The following CCDC7 variants were observed in gnomAD, a reference collection of about 807,000 sequenced individuals.
CCDC7 encodes the protein coiled-coil domain containing 7, also known as coiled-coil domain-containing protein 7.
CCDC7 carries 183 observed loss-of-function variants against 196.9 expected under a neutral mutation model. The ratio of observed to expected loss-of-function variants is 0.93; its 90% CI spans 0.82 to 1.05. The LOEUF is 1.05. CCDC7 is among the 50% of genes least tolerant of loss of function. The probability of loss-of-function intolerance (pLI) is 0.00; values close to 1 mark genes in which losing one functional copy is unlikely to be tolerated. For missense variants in CCDC7, 1,540 were observed against 1,482.2 expected, an observed-to-expected ratio of 1.04 and a Z score of -0.64; for synonymous variants, 525 against 484.6, an observed-to-expected ratio of 1.08 and a Z score of -1.10.
intron 21 of CCDC7, among the ~76,000 whole-genome samples, chr10:32,671,103 G>T (rs931626571): frequency 6.6e-6 from 1 of 152,126 alleles, no homozygotes; most frequent in Non-Finnish European, 1.5e-5. Context: ...AAAATTTAGT[G>T]TAACCCAAGT....
chr10:32,744,500 G>A (rs2074383114), intron 28 of CCDC7, among the ~76,000 whole-genome samples: 1 of 152,038 alleles, frequency 6.6e-6, no homozygotes, highest in Admixed American at 6.6e-5. Context: ...CAGTTTTTTG[G>A]AGTTAGGCCA....
chr10:32,641,902 T>C (rs560140343), intron 20 of CCDC7, among the ~76,000 whole-genome samples: 2 of 152,202 alleles, frequency 1.3e-5, no homozygotes, highest in African/African-American at 2.4e-5. Context: ...TCTGTTGGAG[T>C]TTGCTGGAGG....
intron 16 of CCDC7, among the ~76,000 whole-genome samples, chr10:32,578,414 T>C (rs1456311934): frequency 6.6e-6 from 1 of 151,640 alleles, no homozygotes; most frequent in African/African-American, 2.4e-5. Context: ...TTATAATATA[T>C]AATGAAATAA....
chr10:32,460,134 A>C (rs1416222258), intron 3 of CCDC7, among the ~76,000 whole-genome samples: 1 of 152,216 alleles, frequency 6.6e-6, no homozygotes, highest in East Asian at 1.9e-4. Flanking sequence ...ACCTATATTA[A>C]ATTTATAAGC....
At chr10:32,694,886 TGAA>T in exon 24 of CCDC7, 1 of 1,592,538 alleles carries the variant, frequency 6.3e-7, no homozygotes, top group Non-Finnish European at 8.6e-7. Context: ...TAGCTCATGA[TGAA>T]GAACCAGGCA....
intron 41 of CCDC7, among the ~76,000 whole-genome samples, chr10:32,855,107 A>G (rs1452119722): frequency 6.6e-6 from 1 of 152,214 alleles, no homozygotes; most frequent in Non-Finnish European, 1.5e-5. Context: ...AGAATATTAA[A>G]TAATATTGTT....
In CCDC7 at chr10:32,452,225, A is replaced by C. The variant is rs114395165; in HGVS notation, c.279+304A>C. On this transcript the variant is annotated intron_variant, in intron 1 of 41. Transcript: ENST00000639629. Reference sequence around the variant, plus strand: ...TGGGATTTATTGGGGGTTGTTTACTATTCACTCTGTGCTTAGCATGTACGA... The same window carrying C: ...TGGGATTTATTGGGGGTTGTTTACTCTTCACTCTGTGCTTAGCATGTACGA... Among the ~76,000 whole-genome samples the C allele has an allele frequency of 8.6e-3, 1,304 of 152,282 alleles. 28 individuals carry two copies. Among genetic ancestry groups the C allele is most frequent in the African/African-American group, 0.029 (1,203 of 41,554 alleles).
chr10:32,586,521 G>T (rs2059296044), intron 18 of CCDC7, among the ~76,000 whole-genome samples: 1 of 152,166 alleles, frequency 6.6e-6, no homozygotes. Context: ...CTATGTTTAA[G>T]TCTTTAATCC....
chr10:32,632,429 A>AT (rs1291654735), intron 18 of CCDC7, among the ~76,000 whole-genome samples: 2 of 151,420 alleles, frequency 1.3e-5, no homozygotes, highest in Admixed American at 1.3e-4. Context: ...GGGATTGTTG[A>AT]TTTTTGCTCT....
At chr10:32,463,423 A>G (rs1190301992) in intron 5 of CCDC7, among the ~76,000 whole-genome samples, 1 of 152,232 alleles carries the variant, frequency 6.6e-6, no homozygotes, top group Non-Finnish European at 1.5e-5. Flanking sequence ...ATGTGTAGAC[A>G]TAAAATTATG....
chr10:32,824,417 C>A, intron 31 of CCDC7, 101 bp from the exon 33 acceptor site: 1 of 649,338 alleles, frequency 1.5e-6, no homozygotes, highest in Non-Finnish European at 2.6e-6. Context: ...TAATTCTACT[C>A]CAATGAAGAA....
At chr10:32,507,545 G>A (rs1426060059) in intron 9 of CCDC7, among the ~76,000 whole-genome samples, 1 of 152,026 alleles carries the variant, frequency 6.6e-6, no homozygotes, top group African/African-American at 2.4e-5. Flanking sequence ...CTGCCTCCTG[G>A]GTTCAAGCAA....
At chr10:32,719,153 C>T (rs956162004) in intron 25 of CCDC7, among the ~76,000 whole-genome samples, 1 of 152,206 alleles carries the variant, frequency 6.6e-6, no homozygotes, top group Non-Finnish European at 1.5e-5. Context: ...ACCAAAACAG[C>T]ATGGTACTGG....
intron 20 of CCDC7, among the ~76,000 whole-genome samples, chr10:32,649,234 C>G (rs759566002): frequency 6.6e-6 from 1 of 152,104 alleles, no homozygotes; most frequent in African/African-American, 2.4e-5. Context: ...ATGGGATGAT[C>G]TGTGCAGTAA....
At chr10:32,443,560 G>A (rs1353135370), upstream of CCDC7, among the ~76,000 whole-genome samples, 2 of 152,064 alleles carry the variant, frequency 1.3e-5, no homozygotes, top group African/African-American at 4.8e-5. Flanking sequence ...CATTTTCATT[G>A]TTGGAAAGAT....
upstream of CCDC7, among the ~76,000 whole-genome samples, chr10:32,445,981 G>C (rs143947616): frequency 6.6e-6 from 1 of 152,212 alleles, no homozygotes; most frequent in Non-Finnish European, 1.5e-5. Context: ...GAAAGGAGGA[G>C]GCCGATGTGC....
chr10:32,757,643 G>C (rs1348033646), intron 28 of CCDC7, among the ~76,000 whole-genome samples: 1 of 152,206 alleles, frequency 6.6e-6, no homozygotes, highest in African/African-American at 2.4e-5. Flanking sequence ...GCCCACAAGA[G>C]AAAGGAGGAA....
intron 32 of CCDC7, among the ~76,000 whole-genome samples, chr10:32,829,942 T>G (rs2091919652): frequency 6.6e-6 from 1 of 151,024 alleles, no homozygotes; most frequent in Non-Finnish European, 1.5e-5. Context: ...GCCTACATCT[T>G]TATCCTGTGC....
At chr10:32,605,923 AG>A (rs1416314124) in intron 18 of CCDC7, among the ~76,000 whole-genome samples, 1 of 152,256 alleles carries the variant, frequency 6.6e-6, no homozygotes, top group African/African-American at 2.4e-5. Flanking sequence ...CATAGCAAAA[AG>A]GGAGCCAGGT....
Sources: allele counts gnomAD v4.1 joint callset (sites outside exome capture counted in the v4.1 genomes callset), GRCh38; gene constraint gnomAD v4.1.1; transcripts MANE v1.5; gene names NCBI Gene and HGNC (gene_info 2026-07-23, HGNC 2026-07-21).